The following RBKS variants were observed in gnomAD, a reference collection of about 807,000 sequenced individuals.
The protein encoded by RBKS is ribokinase.
Under a neutral mutation model 33.9 loss-of-function variants are expected in RBKS, and 33 were observed. The observed-to-expected ratio is 0.97, with a 90% CI of 0.74 to 1.30. The LOEUF is 1.30. Ranked by LOEUF, RBKS falls within the 50% of genes most tolerant of loss-of-function variation. The pLI is 0.00. For synonymous variants in RBKS, 125 were observed against 143.0 expected, an observed-to-expected ratio of 0.87 and a Z score of 0.90; for missense variants, 361 against 392.6, an observed-to-expected ratio of 0.92 and a Z score of 0.68.
intron 7 of RBKS, among the ~76,000 whole-genome samples, chr2:27,812,583 C>A (rs1678006644): frequency 1.3e-5 from 2 of 152,152 alleles, no homozygotes; most frequent in Non-Finnish European, 2.9e-5. Context: ...TGGAAACCAT[C>A]ATTCTCAGCA....
intron 7 of RBKS, 45 bp from the exon 8 acceptor site, chr2:27,781,833 TG>T: frequency 6.6e-7 from 1 of 1,514,738 alleles, no homozygotes; most frequent in Non-Finnish European, 9.0e-7. Context: ...GTAGTCAATC[TG>T]TTGCCCAAAC....
chr2:27,873,709 G>A (rs1030676160), intron 1 of RBKS, among the ~76,000 whole-genome samples: 1 of 151,740 alleles, frequency 6.6e-6, no homozygotes, highest in Non-Finnish European at 1.5e-5. Context: ...ATTTTTAAAG[G>A]GTACTTAAAA....
At chr2:27,800,599 C>G (rs945418890) in intron 7 of RBKS, among the ~76,000 whole-genome samples, 2 of 152,080 alleles carry the variant, frequency 1.3e-5, no homozygotes, top group African/African-American at 4.8e-5. Flanking sequence ...TTAAGTTGCT[C>G]AAGTTTTTGG....
At chr2:27,843,804 A>T (rs1020718088) in intron 4 of RBKS, among the ~76,000 whole-genome samples, 5 of 152,272 alleles carry the variant, frequency 3.3e-5, no homozygotes, top group African/African-American at 1.2e-4. Flanking sequence ...AGAACTAAGG[A>T]ATCTGATATA....
Position 27,810,842 on chromosome 2 carries a change from T to G in RBKS, c.795+16725A>C, listed in dbSNP as rs532458658. ...TGGACTGTTCTCCCTGACTCCAGTC[T>G]TGTAAACTCCAATTTATTCTTCACA... On this transcript the variant is annotated intron_variant, in intron 7 of 7. Coordinates refer to ENST00000302188, the MANE Select transcript of RBKS (RefSeq NM_022128.3). The surrounding 1 kb of genome is among the most constrained non-coding windows in gnomAD (Gnocchi z 4.4). Among the ~76,000 whole-genome samples, 2 of 152,330 alleles carry G rather than the reference T, an allele frequency of 1.3e-5. No individual in the cohort carries two copies. Among genetic ancestry groups the G allele is most frequent in the African/African-American group, 4.8e-5 (2 of 41,564 alleles).
At chr2:27,813,807 G>A (rs913185887) in intron 7 of RBKS, among the ~76,000 whole-genome samples, 15 of 152,110 alleles carry the variant, frequency 9.9e-5, no homozygotes, top group Admixed American at 8.5e-4. Context: ...TGAGATTCAG[G>A]AAGAAGAGTC....
In RBKS at chr2:27,810,032, G is replaced by A. The variant is rs1558538546; in HGVS notation, c.795+17535C>T. ...ACTTGCTGCTTCACTCTTGGGTCTT[G>A]AGCCAGGTCTACACTGTGAAAATGA... On this transcript the variant is annotated intron_variant, in intron 7 of 7. Coordinates refer to ENST00000302188, the MANE Select transcript of RBKS (RefSeq NM_022128.3). This position sits in a 1 kb window ranked among gnomAD's most constrained non-coding sequence, Gnocchi z 4.4. 2.3e-6 allele frequency: 3 copies of A among 1,304,236 alleles called. No individual in the cohort carries two copies. The highest frequency in any genetic ancestry group is 2.0e-6 in the Non-Finnish European group (2 of 988,958). The allele number at this position is 1,304,236 out of a possible 1,614,324, so 80.8% of individuals were successfully genotyped here. A position where few individuals can be genotyped will look rare whatever the true frequency, so the allele number is the denominator to read the frequency against.
chr2:27,848,598 A>G (rs747808793), intron 2 of RBKS, among the ~76,000 whole-genome samples: 1 of 152,156 alleles, frequency 6.6e-6, no homozygotes, highest in Non-Finnish European at 1.5e-5. Flanking sequence ...TTTGCATCCT[A>G]GCATCTATTC....
At chr2:27,834,330 C>T in intron 5 of RBKS, among the ~76,000 whole-genome samples, 1 of 152,124 alleles carries the variant, frequency 6.6e-6, no homozygotes, top group Admixed American at 6.6e-5. Context: ...AGAATGTCCA[C>T]CCACAGAAAT....
chr2:27,882,448 G>T (rs970637488), intron 1 of RBKS, among the ~76,000 whole-genome samples: 6 of 152,208 alleles, frequency 3.9e-5, no homozygotes, highest in African/African-American at 1.2e-4. Flanking sequence ...CAAGGCTGCG[G>T]AGAAAAAGGA....
intron 2 of RBKS, 120 bp from the exon 3 acceptor site, chr2:27,848,217 C>A (rs904778969): frequency 3.5e-6 from 2 of 567,548 alleles, no homozygotes; most frequent in Non-Finnish European, 6.2e-6. Context: ...TAAACATTAA[C>A]TAATTAATCT....
At chr2:27,824,294 G>A (rs1210548192) in intron 7 of RBKS, among the ~76,000 whole-genome samples, 1 of 152,114 alleles carries the variant, frequency 6.6e-6, no homozygotes, top group Non-Finnish European at 1.5e-5. Context: ...TTGTCACAAT[G>A]TTGTACAATC....
In RBKS at chr2:27,794,875, C is replaced by A. The variant is rs148980138; in HGVS notation, c.796-13087G>T. The stretch of plus-strand genomic sequence containing the variant: ...CTGACCTTGGGTGATCCGCCTGCCT[C>A]GGCCTCCCAAAGTGCTGGGATTACA... On this transcript the variant is annotated intron_variant, in intron 7 of 7. Transcript: ENST00000302188. 9.0e-4 allele frequency among the ~76,000 whole-genome samples: 137 copies of A among 152,150 alleles called. 1 individual carries two copies. Among genetic ancestry groups the A allele is most frequent in the African/African-American group, 1.2e-3 (50 of 41,492 alleles).
intron 7 of RBKS, among the ~76,000 whole-genome samples, chr2:27,802,232 AC>A (rs1252952352): frequency 6.6e-6 from 1 of 150,764 alleles, no homozygotes; most frequent in Non-Finnish European, 1.5e-5. Flanking sequence ...TGAGAAATCC[AC>A]CCCCATGATC....
At chr2:27,878,180 C>T (rs543924776) in intron 1 of RBKS, among the ~76,000 whole-genome samples, 4 of 151,958 alleles carry the variant, frequency 2.6e-5, no homozygotes, top group African/African-American at 9.7e-5. Context: ...ATCCCTCCCC[C>T]CTGCCCCCAC....
chr2:27,827,418 AC>A (rs2148202406), intron 7 of RBKS, 148 bp downstream of exon 7: 1 of 620,936 alleles, frequency 1.6e-6, no homozygotes, highest in East Asian at 3.2e-5. Context: ...GGATTAAAAT[AC>A]AGTTCCCCTG....
chr2:27,857,959 T>A (rs948713221), intron 2 of RBKS, among the ~76,000 whole-genome samples: 1 of 152,206 alleles, frequency 6.6e-6, no homozygotes, highest in Non-Finnish European at 1.5e-5. Flanking sequence ...ACAGCCCAAG[T>A]GTCCATCAAT....
chr2:27,848,034 C>T lies in RBKS; in HGVS notation c.286G>A (p.Glu96Lys). Reference protein sequence around the residue: ...ENLKQNDISTEFTYQTKDAAT... With the variant: ...ENLKQNDISTKFTYQTKDAAT... ...ACTTTAAAAAAGGTGGGAATTTTAC[C>T]TGTAGAAATATCATTCTGTTTTAAG... is the stretch of plus-strand genomic sequence containing the variant. Residue 96 changes from glutamate (E) to lysine (K), a missense_variant and splice_region_variant, in exon 3 of 8, where the codon GAA (glutamate) becomes AAA (lysine). Physicochemically the swap from Glu to Lys is moderately conservative, Grantham distance 56 (BLOSUM62 1). Coordinates refer to ENST00000302188, the MANE Select transcript of RBKS (RefSeq NM_022128.3). 2 of 1,448,406 alleles carry T rather than the reference C, an allele frequency of 1.4e-6. No individual in the cohort carries two copies. The highest frequency in any genetic ancestry group is 1.9e-6 in the Non-Finnish European group (2 of 1,044,968). The allele number at this position is 1,448,406 out of a possible 1,614,324, so 89.7% of individuals were successfully genotyped here. A position where few individuals can be genotyped will look rare whatever the true frequency, so the allele number is the denominator to read the frequency against.
At chr2:27,881,097 A>T (rs1664408923) in intron 1 of RBKS, among the ~76,000 whole-genome samples, 1 of 151,992 alleles carries the variant, frequency 6.6e-6, no homozygotes, top group Non-Finnish European at 1.5e-5. Flanking sequence ...AAAAAAACAG[A>T]AATTAGCTGG....
Sources: allele counts gnomAD v4.1 joint callset (sites outside exome capture counted in the v4.1 genomes callset), GRCh38; gene constraint gnomAD v4.1.1; non-coding constraint Gnocchi (gnomAD v3.1); transcripts MANE v1.5; gene names NCBI Gene and HGNC (gene_info 2026-07-23, HGNC 2026-07-21).